ARL2BP: variants seen among roughly 807,000 people sequenced by gnomAD.
ARL2BP encodes ARF like GTPase 2 binding protein.
ARL2BP carries 19 observed loss-of-function variants against 24.2 expected under a neutral mutation model. That is an observed-to-expected ratio of 0.79 (90% CI 0.55 to 1.15). ARL2BP has a LOEUF of 1.15. ARL2BP is among the 50% of genes most tolerant of loss of function. The pLI, the probability that ARL2BP is intolerant of heterozygous loss-of-function variation, is 0.00. For missense variants in ARL2BP, 160 were observed against 190.4 expected (o/e 0.84, Z 0.94); for synonymous variants, 56 against 70.5 (o/e 0.79, Z 1.03).
chr16:57,252,179 G>A lies in ARL2BP; in HGVS notation c.404G>A (p.Arg135Gln), dbSNP rs1483580551. The A allele has an allele frequency of 9.9e-6, 16 of 1,614,026 alleles. No individual in the cohort carries two copies. The highest frequency in any genetic ancestry group is 1.3e-5 in the African/African-American group (1 of 75,006). ...TTTCTCATATAGGAAAAAGAAGGCC[G>A]AGGACTGGACTTAAGCAGTGGCTTA... ...FLDYRAEKEG[R>Q]GLDLSSGLVV... Residue 135 changes from arginine (R) to glutamine (Q), a missense_variant, in exon 6 of 6, where the codon CGA becomes CAA. Coordinates refer to ENST00000219204, the MANE Select transcript of ARL2BP (RefSeq NM_012106.4).
At chr16:57,245,994 C>A in intron 1 of ARL2BP, 86 bp from the exon 2 acceptor site, 1 of 1,317,366 alleles carries the variant, frequency 7.6e-7, no homozygotes, top group South Asian at 1.2e-5. Flanking sequence ...TCTTTTTTCT[C>A]TTGTGCATGT....
At chr16:57,250,777 A>ATTT in intron 5 of ARL2BP, 5 of 411,146 alleles carry the variant, frequency 1.2e-5, no homozygotes, top group East Asian at 9.4e-5. Flanking sequence ...CCTTTCTTTT[A>ATTT]TTTATTTTTT....
intron 2 of ARL2BP, among the ~76,000 whole-genome samples, chr16:57,247,921 G>A (rs2146427588): frequency 6.6e-6 from 1 of 152,282 alleles, no homozygotes; most frequent in South Asian, 2.1e-4. Context: ...AAGGATGGTG[G>A]TGATCATTGC....
chr16:57,246,329 A>G (rs531793301), intron 2 of ARL2BP, 188 bp downstream of exon 2: 1 of 606,364 alleles, frequency 1.6e-6, no homozygotes, highest in South Asian at 2.0e-5. Context: ...GTACTCCTGA[A>G]AACATCTAAT....
chr16:57,250,303 C>G lies in ARL2BP; in HGVS notation c.294-108C>G, dbSNP rs546129987. 40 of 984,566 alleles carry G rather than the reference C, an allele frequency of 4.1e-5. No individual in the cohort carries two copies. In the East Asian group the frequency reaches 9.2e-4, roughly 23 times the overall value. 61.0% of individuals were successfully genotyped at this position (984,566 alleles called of 1,614,324 possible). Reference sequence around the variant, plus strand: ...AGACCCAGTCTCTAAAAAAACAAAACAAAAATAATGCGGGGGGTGGGGCTG... The same window carrying G: ...AGACCCAGTCTCTAAAAAAACAAAAGAAAAATAATGCGGGGGGTGGGGCTG... On this transcript the variant is annotated intron_variant, in intron 4 of 5. Transcript: ENST00000219204.
chr16:57,246,816 A>C (rs1302571247), intron 2 of ARL2BP, among the ~76,000 whole-genome samples: 1 of 152,220 alleles, frequency 6.6e-6, no homozygotes, highest in East Asian at 1.9e-4. Flanking sequence ...AAAAATAAAA[A>C]TGAAAATAAA....
chr16:57,248,311 CAAAAAAAAA>C (rs1161528446), intron 2 of ARL2BP: 578 of 49,248 alleles, frequency 0.012, 2 homozygotes, highest in East Asian at 0.037. Context: ...AACTCCAGCT[CAAAAAAAAA>C]AAAAAAAAAA....
chr16:57,245,336 G>A lies in ARL2BP; in HGVS notation c.-32G>A. The A allele has an allele frequency of 6.3e-7, 1 of 1,598,884 alleles. No homozygotes were observed. ...CGCCCTGCATGCGAGTTGGGCCGCG[G>A]GCGGGGTTGGAGCCTACTCGGGGCG... On this transcript the variant is annotated 5_prime_UTR_variant, in exon 1 of 6. Coordinates refer to ENST00000219204, the MANE Select transcript of ARL2BP (RefSeq NM_012106.4).
intron 5 of ARL2BP, chr16:57,251,821 C>T (rs1597954422): frequency 5.2e-6 from 1 of 192,528 alleles, no homozygotes; most frequent in Non-Finnish European, 1.1e-5. Flanking sequence ...AAAAGTTAGT[C>T]AGCTGTAGTG....
chr16:57,252,304 T>A lies in ARL2BP; in HGVS notation c.*37T>A. 2.5e-6 allele frequency: 4 copies of A among 1,614,126 alleles called. No homozygotes were observed. Among genetic ancestry groups the A allele is most frequent in the Non-Finnish European group, 3.4e-6 (4 of 1,180,012 alleles). ...AGCCAATGAATGGGATCATTCTGGA[T>A]GTCACCAGCCCAATAGGCTCAGCTC... On this transcript the variant is annotated 3_prime_UTR_variant, in exon 6 of 6. Coordinates refer to ENST00000219204, the MANE Select transcript of ARL2BP (RefSeq NM_012106.4).
Position 57,253,492 on chromosome 16 carries a change from A to T in ARL2BP, c.*1225A>T, listed in dbSNP as rs1173454521. 1 of 152,120 alleles carries T rather than the reference A, an allele frequency of 6.6e-6. No individual in the cohort carries two copies. The highest frequency in any genetic ancestry group is 2.4e-5 in the African/African-American group (1 of 41,400). The allele number at this position is 152,120 out of a possible 1,614,324, so 9.4% of individuals were successfully genotyped here. On this transcript the variant is annotated 3_prime_UTR_variant, in exon 6 of 6. Coordinates refer to ENST00000219204, the MANE Select transcript of ARL2BP (RefSeq NM_012106.4). ...TTTTTTTTTTAATAGTAAAAATAAG[A>T]ATCTGTACTGACTTTTCACTTGGCC...
Position 57,246,270 on chromosome 16 carries a change from A to ATGTAGCCTT in ARL2BP, c.100+130_100+131insGTAGCCTTT, listed in dbSNP as rs2075390247. 6.1e-5 allele frequency: 53 copies of ATGTAGCCTT among 867,268 alleles called. 1 individual carries two copies. In the South Asian group the frequency reaches 7.4e-4, roughly 12 times the overall value. 53.7% of individuals were successfully genotyped at this position (867,268 alleles called of 1,614,324 possible). A position where few individuals can be genotyped will look rare whatever the true frequency, so the allele number is the denominator to read the frequency against. ...GCAATTTTTAATGTAGCACAATGTA[A>ATGTAGCCTT]TACTTAAGTAAAGGCTTACTGCAGT... On this transcript the variant is annotated intron_variant, in intron 2 of 5. Coordinates refer to ENST00000219204, the MANE Select transcript of ARL2BP (RefSeq NM_012106.4).
Position 57,249,570 on chromosome 16 carries a change from G to T in ARL2BP, c.208-197G>T. The T allele has an allele frequency of 6.8e-6, 4 of 584,740 alleles. No homozygotes were observed. In the South Asian group the frequency reaches 7.9e-5, roughly 12 times the overall value. The allele number at this position is 584,740 out of a possible 1,614,324, so 36.2% of individuals were successfully genotyped here. A position where few individuals can be genotyped will look rare whatever the true frequency, so the allele number is the denominator to read the frequency against. Reference sequence around the variant, plus strand: ...TGTTACAGCACCATTATCAGCTAAGGCTTCTCTTCCACACCAGGCTGAGTA... The same window carrying T: ...TGTTACAGCACCATTATCAGCTAAGTCTTCTCTTCCACACCAGGCTGAGTA... On this transcript the variant is annotated intron_variant, in intron 3 of 5. Transcript: ENST00000219204.
intron 3 of ARL2BP, 160 bp from the exon 4 acceptor site, chr16:57,249,607 C>A: frequency 1.6e-6 from 1 of 625,682 alleles, no homozygotes; most frequent in Non-Finnish European, 2.9e-6. Flanking sequence ...TTCTCCAGGA[C>A]AGGAGCTGTG....
rs190027692 is a variant in ARL2BP at position 57,253,422 on chromosome 16, G to A, written c.*1155G>A. The A allele has an allele frequency of 5.9e-5, 9 of 151,830 alleles. No homozygotes were observed. Among genetic ancestry groups the A allele is most frequent in the Admixed American group, 1.3e-4 (2 of 15,254 alleles). 9.4% of individuals were successfully genotyped at this position (151,830 alleles called of 1,614,324 possible). ...AAAACATATATGTCATCTCTAGAAC[G>A]AAGAAAAAGCATAGTAGTTCAATTC... On this transcript the variant is annotated 3_prime_UTR_variant, in exon 6 of 6. Transcript: ENST00000219204.
rs1417278618 is a variant in ARL2BP at position 57,253,032 on chromosome 16, G to T, written c.*765G>T. ...CATGATTATCCACTTAAAGATCAAA[G>T]TATTATATGCTGTGTGCTTTTTAGG... On this transcript the variant is annotated 3_prime_UTR_variant, in exon 6 of 6. Coordinates refer to ENST00000219204, the MANE Select transcript of ARL2BP (RefSeq NM_012106.4). The T allele has an allele frequency of 6.5e-6, 1 of 152,682 alleles. No individual in the cohort carries two copies. The highest frequency in any genetic ancestry group is 1.5e-5 in the Non-Finnish European group (1 of 68,124). 9.5% of individuals were successfully genotyped at this position (152,682 alleles called of 1,614,324 possible).
intron 4 of ARL2BP, 99 bp from the exon 5 acceptor site, chr16:57,250,312 T>C (rs2075403233): frequency 2.0e-6 from 2 of 1,022,682 alleles, no homozygotes; most frequent in Non-Finnish European, 3.0e-6. Context: ...ACAAAAATAA[T>C]GCGGGGGGTG....
At chr16:57,250,963 A>G (rs964439278) in intron 5 of ARL2BP, 1 of 158,692 alleles carries the variant, frequency 6.3e-6, no homozygotes, top group Admixed American at 6.3e-5. Context: ...TTTAGTAGAG[A>G]CAGGGTTTCA....
chr16:57,245,892 G>C (rs1319120024), intron 1 of ARL2BP, 188 bp from the exon 2 acceptor site: 1 of 624,954 alleles, frequency 1.6e-6, no homozygotes, highest in African/African-American at 1.8e-5. Context: ...TGTCACAAAC[G>C]TGCCGAGTGT....
Sources: allele counts gnomAD v4.1 joint callset (sites outside exome capture counted in the v4.1 genomes callset), GRCh38; gene constraint gnomAD v4.1.1; transcripts MANE v1.5; gene names NCBI Gene and HGNC (gene_info 2026-07-23, HGNC 2026-07-21).